The following MRAP2 variants were observed in gnomAD, a reference collection of about 807,000 sequenced individuals.
MRAP2 encodes melanocortin 2 receptor accessory protein 2, also known as melanocortin-2 receptor accessory protein 2.
MRAP2 carries 20 observed loss-of-function variants against 17.4 expected under a neutral mutation model. The observed-to-expected ratio is 1.15, with a 90% CI of 0.81 to 1.67. The LOEUF (loss-of-function observed/expected upper bound fraction) is 1.67, where lower values mean the gene tolerates loss of function less well. Ranked by LOEUF, MRAP2 falls within the 40% of genes most tolerant of loss-of-function variation. The probability of loss-of-function intolerance (pLI) is 0.00; values close to 1 mark genes in which losing one functional copy is unlikely to be tolerated. For synonymous variants in MRAP2, 96 were observed against 88.4 expected, an observed-to-expected ratio of 1.09 and a Z score of -0.48; for missense variants, 238 against 240.0, an observed-to-expected ratio of 0.99 and a Z score of 0.05.
At chr6:84,069,983 CT>C (rs999681744) in intron 3 of MRAP2, among the ~76,000 whole-genome samples, 3 of 151,722 alleles carry the variant, frequency 2.0e-5, no homozygotes, top group Non-Finnish European at 4.4e-5. Flanking sequence ...TTTCTCTCTT[CT>C]TTTCTTGGTT....
chr6:84,112,822 A>G, the MRAP2 span, among the ~76,000 whole-genome samples: 330 of 152,282 alleles, frequency 2.2e-3, no homozygotes, highest in Non-Finnish European at 3.9e-3. Context: ...ACTGGTTTCA[A>G]ATAACATCTT....
chr6:84,062,199 G>C (rs1030932972), intron 2 of MRAP2: 13 of 764,922 alleles, frequency 1.7e-5, no homozygotes, highest in African/African-American at 5.7e-5. Flanking sequence ...TAGCTTACTA[G>C]GTAAGCAAAC....
intron 1 of MRAP2, among the ~76,000 whole-genome samples, chr6:84,034,584 C>G (rs2099485489): frequency 6.7e-6 from 1 of 150,226 alleles, no homozygotes; most frequent in Non-Finnish European, 1.5e-5. Context: ...GTAGTCTCTG[C>G]AGAAACCTGT....
At chr6:84,051,937 G>A (rs1182289448) in intron 1 of MRAP2, among the ~76,000 whole-genome samples, 1 of 152,158 alleles carries the variant, frequency 6.6e-6, no homozygotes, top group African/African-American at 2.4e-5. Flanking sequence ...CAATGGGCTG[G>A]CCTGGGCCAC....
chr6:84,099,929 T>G, the MRAP2 span, among the ~76,000 whole-genome samples: 1 of 152,088 alleles, frequency 6.6e-6, no homozygotes, highest in Non-Finnish European at 1.5e-5. Context: ...GGTGGGATCT[T>G]GGCTCATTGC....
At chr6:84,045,479 C>G (rs2497105) in intron 1 of MRAP2, among the ~76,000 whole-genome samples, 16,038 of 152,062 alleles carry the variant, frequency 0.11, 1,703 homozygotes, top group African/African-American at 0.27. Context: ...AATATACACA[C>G]AGGCTGGGCA....
Position 84,089,545 on chromosome 6 carries a change from T to C in MRAP2, c.*64T>C. 5 of 1,529,128 alleles carry C rather than the reference T, an allele frequency of 3.3e-6. No homozygotes were observed. Among genetic ancestry groups the C allele is most frequent in the Non-Finnish European group, 4.4e-6 (5 of 1,131,138 alleles). 94.7% of individuals were successfully genotyped at this position (1,529,128 alleles called of 1,614,324 possible). A position where few individuals can be genotyped will look rare whatever the true frequency, so the allele number is the denominator to read the frequency against. On this transcript the variant is annotated 3_prime_UTR_variant, in exon 4 of 4. Transcript: ENST00000257776. ...TTCTATCTTTATGTAGCAAGAAATC[T>C]ACATCCACCAAAATTGTGTGTGTTT...
chr6:84,115,001 G>A, the MRAP2 span, among the ~76,000 whole-genome samples: 2 of 152,190 alleles, frequency 1.3e-5, no homozygotes, highest in African/African-American at 4.8e-5. Flanking sequence ...CCTGTATGAG[G>A]TGTCTGTTGA....
the MRAP2 span, among the ~76,000 whole-genome samples, chr6:84,120,774 C>T: frequency 1.3e-5 from 2 of 152,102 alleles, no homozygotes; most frequent in Non-Finnish European, 2.9e-5. Context: ...TGCAGCTATA[C>T]ATTAATAGGC....
chr6:84,133,013 G>GA, the MRAP2 span, among the ~76,000 whole-genome samples: 1 of 152,110 alleles, frequency 6.6e-6, no homozygotes, highest in Non-Finnish European at 1.5e-5. Context: ...GGTCTTTGAT[G>GA]ATGGTGACCT....
chr6:84,083,403 G>A (rs892710000), intron 3 of MRAP2, among the ~76,000 whole-genome samples: 2 of 152,292 alleles, frequency 1.3e-5, no homozygotes, highest in Admixed American at 1.3e-4. Context: ...ACCTAAGTAA[G>A]AATCTTAAAG....
At chr6:84,122,751 G>A in the MRAP2 span, among the ~76,000 whole-genome samples, 2 of 151,942 alleles carry the variant, frequency 1.3e-5, no homozygotes, top group East Asian at 1.9e-4. Flanking sequence ...AAGAGAAAGA[G>A]GTAAAAGACA....
Position 84,052,689 on chromosome 6 carries a change from C to T in MRAP2, c.-7-2623C>T, listed in dbSNP as rs556203624. The T allele has an allele frequency of 1.2e-3, 344 of 280,978 alleles. 1 individual carries two copies. The highest frequency in any genetic ancestry group is 7.4e-3 in the African/African-American group (325 of 43,866). The allele number at this position is 280,978 out of a possible 1,614,324, so 17.4% of individuals were successfully genotyped here. ...GAAAGAGGCAGTGGAGACAAATGCCCCTCCTTTTGTTTGAAGGCTACCCAG... is the reference window on the plus strand; with the variant it reads ...GAAAGAGGCAGTGGAGACAAATGCCTCTCCTTTTGTTTGAAGGCTACCCAG... On this transcript the variant is annotated intron_variant, in intron 1 of 3. Transcript: ENST00000257776.
chr6:84,130,510 T>C, the MRAP2 span, among the ~76,000 whole-genome samples: 3 of 152,178 alleles, frequency 2.0e-5, no homozygotes, highest in Non-Finnish European at 4.4e-5. Flanking sequence ...GTTGGTAGGC[T>C]ATTAATTACT....
rs115655382 is a variant in MRAP2, at chr6:84,089,237, G to T, written c.374G>T (p.Arg125Leu). The T allele has an allele frequency of 6.2e-7, 1 of 1,614,050 alleles. No individual in the cohort carries two copies. The highest frequency in any genetic ancestry group is 8.5e-7 in the Non-Finnish European group (1 of 1,180,042). Reference protein sequence around the residue: ...LFHCYINEVERLDRAKACHQT... With the variant: ...LFHCYINEVELLDRAKACHQT... Reference sequence around the variant, plus strand: ...CACTGCTACATCAATGAGGTGGAACGCTTGGACAGAGCCAAAGCTTGTCAC... The same window carrying T: ...CACTGCTACATCAATGAGGTGGAACTCTTGGACAGAGCCAAAGCTTGTCAC... Residue 125 changes from arginine to leucine, a missense_variant, in exon 4 of 4, where the codon CGC (arginine) becomes CTC (leucine). Transcript: ENST00000257776.
At chr6:84,082,624 A>G (rs1167030253) in intron 3 of MRAP2, among the ~76,000 whole-genome samples, 1 of 152,164 alleles carries the variant, frequency 6.6e-6, no homozygotes, top group Non-Finnish European at 1.5e-5. Context: ...CCTGCTTACC[A>G]GTAGAGAAGG....
chr6:84,075,961 A>AT (rs549004809), intron 3 of MRAP2, among the ~76,000 whole-genome samples: 86 of 152,188 alleles, frequency 5.7e-4, no homozygotes, highest in Non-Finnish European at 9.0e-4. Flanking sequence ...GTAGTGAGTG[A>AT]TTCCTGAGGA....
the MRAP2 span, among the ~76,000 whole-genome samples, chr6:84,129,080 C>A: frequency 6.6e-6 from 1 of 152,234 alleles, no homozygotes; most frequent in East Asian, 1.9e-4. Context: ...TTGTCTTTAT[C>A]CAATCTATCA....
At chr6:84,052,837 C>T (rs1588630539) in intron 1 of MRAP2, 1 of 981,926 alleles carries the variant, frequency 1.0e-6, no homozygotes, top group Non-Finnish European at 1.2e-6. Flanking sequence ...AGCTTTGCTC[C>T]TCTCTTCCCA....
Sources: gnomAD v4.1 joint callset for allele counts (sites outside exome capture counted in the v4.1 genomes callset) on GRCh38, gnomAD v4.1.1 for gene constraint, MANE v1.5 for transcripts, NCBI Gene and HGNC (gene_info 2026-07-23, HGNC 2026-07-21) for gene names.